PCDHGA10: variants seen among roughly 807,000 people sequenced by gnomAD.
The protein encoded by PCDHGA10 is protocadherin gamma subfamily A, 10.
PCDHGA10 carries 42 observed loss-of-function variants against 59.5 expected under a neutral mutation model. That is an observed-to-expected ratio of 0.71 (90% CI 0.55 to 0.91). PCDHGA10 has a LOEUF of 0.91. Among genes scored for constraint, PCDHGA10 ranks in the 40% least tolerant of loss-of-function variants. PCDHGA10 has a pLI of 0.00. For synonymous variants in PCDHGA10, 511 were observed against 517.2 expected (o/e 0.99, Z 0.16); for missense variants, 1,111 against 1,198.2 (o/e 0.93, Z 1.07).
intron 1 of PCDHGA10, chr5:141,421,043 C>T (rs1201118615): frequency 5.5e-6 from 3 of 548,238 alleles, no homozygotes; most frequent in African/African-American, 3.9e-5. Flanking sequence ...CCTCCCTCCC[C>T]CGCCTCTACC....
intron 1 of PCDHGA10, among the ~76,000 whole-genome samples, chr5:141,438,596 A>G (rs1303292978): frequency 2.8e-5 from 1 of 35,176 alleles, no homozygotes; most frequent in Non-Finnish European, 6.2e-5. Context: ...ACATACATAT[A>G]TATATATATA....
intron 1 of PCDHGA10, among the ~76,000 whole-genome samples, chr5:141,465,360 C>T (rs1238387777): frequency 6.6e-6 from 1 of 151,940 alleles, no homozygotes; most frequent in Non-Finnish European, 1.5e-5. Context: ...AAAATGGGTG[C>T]CCTTTAAAGT....
intron 1 of PCDHGA10, chr5:141,442,400 C>G (rs1478739190): frequency 6.6e-6 from 1 of 152,224 alleles, no homozygotes; most frequent in Admixed American, 6.5e-5. Context: ...TCCTACGAAT[C>G]CAGGGCTGAG....
intron 1 of PCDHGA10, among the ~76,000 whole-genome samples, chr5:141,444,192 A>ATT: frequency 1.9e-5 from 1 of 52,730 alleles, no homozygotes; most frequent in African/African-American, 7.7e-5. Flanking sequence ...TTTTTTTGAG[A>ATT]TGGAGTTTCA....
intron 1 of PCDHGA10, among the ~76,000 whole-genome samples, chr5:141,467,727 T>C (rs1562013145): frequency 6.6e-6 from 1 of 152,046 alleles, no homozygotes; most frequent in African/African-American, 2.4e-5. Flanking sequence ...AGTGGCACAA[T>C]CCCAGCTCGC....
chr5:141,486,091 G>T lies in PCDHGA10; in HGVS notation c.2437-8716G>T. ...CTACTGGAAAGCTTACTCTTTTGGG[G>T]CCCCTAGACTTTGAGAGTGAGAATT... On this transcript the variant is annotated intron_variant, in intron 1 of 3. Coordinates refer to ENST00000398610, the MANE Select transcript of PCDHGA10 (RefSeq NM_018913.3). This position sits in a 1 kb window ranked among gnomAD's most constrained non-coding sequence, Gnocchi z 5.0. 1 of 1,614,158 alleles carries T rather than the reference G, an allele frequency of 6.2e-7. No homozygotes were observed. Among genetic ancestry groups the T allele is most frequent in the South Asian group, 1.1e-5 (1 of 91,078 alleles).
chr5:141,511,276 T>C lies in PCDHGA10; in HGVS notation c.*103T>C. On this transcript the variant is annotated 3_prime_UTR_variant, in exon 4 of 4. Coordinates refer to ENST00000398610, the MANE Select transcript of PCDHGA10 (RefSeq NM_018913.3). ...AGAGTTTCAGGGCTAACCCCCAGAA[T>C]ACTGGTAGGGGCCAAGGCCATGCTC... 6.5e-7 allele frequency: 1 copy of C among 1,538,084 alleles called. No homozygotes were observed. Among genetic ancestry groups the C allele is most frequent in the Non-Finnish European group, 8.8e-7 (1 of 1,140,720 alleles).
At chr5:141,460,817 A>G (rs527681610) in intron 1 of PCDHGA10, among the ~76,000 whole-genome samples, 3 of 152,126 alleles carry the variant, frequency 2.0e-5, no homozygotes, top group South Asian at 2.1e-4. Context: ...ATGTATACAT[A>G]TATACACACT....
chr5:141,420,022 TA>T (rs2096459209), intron 1 of PCDHGA10: 1 of 1,613,986 alleles, frequency 6.2e-7, no homozygotes. Flanking sequence ...CTTTCAGCCC[TA>T]CTGCAGGAGA....
Position 141,491,842 on chromosome 5 carries a change from T to C in PCDHGA10, c.2437-2965T>C, listed in dbSNP as rs551615550. The C allele has an allele frequency of 7.5e-6, 11 of 1,464,162 alleles. No homozygotes were observed. In the South Asian group the frequency reaches 1.3e-4, roughly 17 times the overall value. 90.7% of individuals were successfully genotyped at this position (1,464,162 alleles called of 1,614,324 possible). ...GCGCTCCACCCGATTCTCGGGATCA[T>C]TGGACCGTTTGCGCGAAACCAGAGT... On this transcript the variant is annotated intron_variant, in intron 1 of 3. Transcript: ENST00000398610. The surrounding 1 kb of genome is among the most constrained non-coding windows in gnomAD (Gnocchi z 6.9).
In PCDHGA10 at chr5:141,413,173, A is replaced by G; in HGVS notation, c.-3A>G. On this transcript the variant is annotated 5_prime_UTR_variant, in exon 1 of 4. Coordinates refer to ENST00000398610, the MANE Select transcript of PCDHGA10 (RefSeq NM_018913.3). The stretch of plus-strand genomic sequence containing the variant: ...CTTTGCAGAATTCTGTAACCAGACT[A>G]CAATGGCCGCTCAAAGGAATCGCTC... 1 of 1,600,856 alleles carries G rather than the reference A, an allele frequency of 6.2e-7. No individual in the cohort carries two copies. Among genetic ancestry groups the G allele is most frequent in the African/African-American group, 1.3e-5 (1 of 74,604 alleles).
chr5:141,490,846 G>T lies in PCDHGA10; in HGVS notation c.2437-3961G>T. 1 of 1,613,880 alleles carries T rather than the reference G, an allele frequency of 6.2e-7. No individual in the cohort carries two copies. Among genetic ancestry groups the T allele is most frequent in the Non-Finnish European group, 8.5e-7 (1 of 1,179,906 alleles). ...GCAGATGCTGCAGATTGTGGTGGGG[G>T]TTCGAGACTCCGGCTCTCCCCCATT... On this transcript the variant is annotated intron_variant, in intron 1 of 3. Coordinates refer to ENST00000398610, the MANE Select transcript of PCDHGA10 (RefSeq NM_018913.3). This position sits in a 1 kb window ranked among gnomAD's most constrained non-coding sequence, Gnocchi z 5.4.
chr5:141,498,565 G>C (rs2099784348), intron 2 of PCDHGA10, among the ~76,000 whole-genome samples: 1 of 152,044 alleles, frequency 6.6e-6, no homozygotes. Context: ...CTTCAAAGCA[G>C]GGCTAGTATT....
Position 141,490,252 on chromosome 5 carries a change from G to A in PCDHGA10, c.2437-4555G>A, listed in dbSNP as rs150107963. The A allele has an allele frequency of 1.9e-6, 3 of 1,614,252 alleles. No homozygotes were observed. Among genetic ancestry groups the A allele is most frequent in the Non-Finnish European group, 1.7e-6 (2 of 1,180,046 alleles). The stretch of plus-strand genomic sequence containing the variant: ...CATGGAGGGCCACTGTGTGATTCAA[G>A]TGGATGTGGGGGATGTCAATGACAA... On this transcript the variant is annotated intron_variant, in intron 1 of 3. Coordinates refer to ENST00000398610, the MANE Select transcript of PCDHGA10 (RefSeq NM_018913.3). This position sits in a 1 kb window ranked among gnomAD's most constrained non-coding sequence, Gnocchi z 5.4.
At chr5:141,415,696 G>C (rs867312295) in intron 1 of PCDHGA10, 85 bp downstream of exon 1, 12 of 1,397,434 alleles carry the variant, frequency 8.6e-6, no homozygotes, top group Non-Finnish European at 1.1e-5. Flanking sequence ...GGTGGAAAGT[G>C]TAAATGCTAA....
chr5:141,443,849 T>A (rs1233479391), intron 1 of PCDHGA10, among the ~76,000 whole-genome samples: 2 of 152,136 alleles, frequency 1.3e-5, no homozygotes, highest in Admixed American at 1.3e-4. Flanking sequence ...ATATGGAAAG[T>A]CTGAAAACTG....
At chr5:141,474,215 A>G (rs1393533136) in intron 1 of PCDHGA10, among the ~76,000 whole-genome samples, 1 of 152,216 alleles carries the variant, frequency 6.6e-6, no homozygotes, top group East Asian at 1.9e-4. Context: ...CAAAAACCAG[A>G]TTGTGAATTA....
chr5:141,476,843 G>A lies in PCDHGA10; in HGVS notation c.2437-17964G>A, dbSNP rs2099399765. On this transcript the variant is annotated intron_variant, in intron 1 of 3. Transcript: ENST00000398610. The surrounding 1 kb of genome is among the most constrained non-coding windows in gnomAD (Gnocchi z 7.6). ...GCTGGACGCGAATGACAATGCGCCT[G>A]TCTTCAACCAGTCCTTGTACCGGGC... 1 of 1,613,706 alleles carries A rather than the reference G, an allele frequency of 6.2e-7. No individual in the cohort carries two copies. Among genetic ancestry groups the A allele is most frequent in the Non-Finnish European group, 8.5e-7 (1 of 1,180,046 alleles).
chr5:141,489,375 G>T lies in PCDHGA10; in HGVS notation c.2437-5432G>T. 6.2e-7 allele frequency: 1 copy of T among 1,613,826 alleles called. No homozygotes were observed. Among genetic ancestry groups the T allele is most frequent in the Non-Finnish European group, 8.5e-7 (1 of 1,179,724 alleles). On this transcript the variant is annotated intron_variant, in intron 1 of 3. Transcript: ENST00000398610. This position sits in a 1 kb window ranked among gnomAD's most constrained non-coding sequence, Gnocchi z 4.5. ...AGGAGTCTGAGCCGGGGACGCTGGT[G>T]GGGAATGTTGCTCAGGATCTGGGCT...
Sources: gnomAD v4.1 joint callset for allele counts (sites outside exome capture counted in the v4.1 genomes callset) on GRCh38, gnomAD v4.1.1 for gene constraint, Gnocchi (gnomAD v3.1) non-coding constraint, MANE v1.5 for transcripts, NCBI Gene and HGNC (gene_info 2026-07-23, HGNC 2026-07-21) for gene names.